Variants in RIC1 observed in about 807,000 individuals in gnomAD.
The protein encoded by RIC1 is RIC1 partner of RAB6A GEF complex, also known as guanine nucleotide exchange factor subunit RIC1.
Under a neutral mutation model 169.0 loss-of-function variants are expected in RIC1, and 88 were observed. The observed-to-expected ratio is 0.52, with a 90% confidence interval of 0.44 to 0.62. The LOEUF (loss-of-function observed/expected upper bound fraction) is 0.62, where lower values mean the gene tolerates loss of function less well. Ranked by LOEUF, RIC1 falls within the 20% of genes least tolerant of loss-of-function variation. The pLI is 0.00. For synonymous variants in RIC1, 790 were observed against 601.5 expected (o/e 1.31, Z -4.59); for missense variants, 1,877 against 1,725.5 (o/e 1.09, Z -1.56).
In RIC1 at chr9:5,769,087, G is replaced by C. The variant is rs772303720; in HGVS notation, c.3255G>C (p.Gln1085His). ...AGGACCTTGGCTGCTTTGCAGCCCA[G>C]CTGGGCTTTGAACTAATTAGTTGGC... ...RLKDLGCFAA[Q>H]LGFELISWLC... The change falls in exon 22 of 26, where the codon CAG (glutamine) becomes CAC (histidine). Residue 1085 changes from glutamine (Q) to histidine (H), a missense_variant. Physicochemically the swap from Gln to His is conservative, Grantham distance 24 (BLOSUM62 0). Coordinates refer to ENST00000414202, the MANE Select transcript of RIC1 (RefSeq NM_020829.4). 2 of 1,614,096 alleles carry C rather than the reference G, an allele frequency of 1.2e-6. No individual in the cohort carries two copies. The highest frequency in any genetic ancestry group is 1.7e-6 in the Non-Finnish European group (2 of 1,179,978).
chr9:5,730,458 A>AT (rs1824300250), intron 6 of RIC1, among the ~76,000 whole-genome samples: 1 of 152,210 alleles, frequency 6.6e-6, no homozygotes, highest in African/African-American at 2.4e-5. Flanking sequence ...CTAGACACAA[A>AT]GGAATACATG....
chr9:5,644,910 G>A (rs962792155), intron 1 of RIC1, among the ~76,000 whole-genome samples: 12 of 152,110 alleles, frequency 7.9e-5, no homozygotes, highest in African/African-American at 2.9e-4. Context: ...CTCCACACCC[G>A]TTCTAGAGGG....
At chr9:5,767,946 A>T (rs908836148) in intron 21 of RIC1, among the ~76,000 whole-genome samples, 1 of 152,230 alleles carries the variant, frequency 6.6e-6, no homozygotes, top group Non-Finnish European at 1.5e-5. Context: ...AAGCATTTAC[A>T]TACATAGGTC....
Position 5,746,006 on chromosome 9 carries a change from C to G in RIC1, c.1171C>G (p.Leu391Val), listed in dbSNP as rs1825355412. Residue 391 changes from leucine to valine, a missense_variant, in exon 11 of 26, where the codon CTC (leucine) becomes GTC (valine). By Grantham distance (32) the Leu-to-Val change is conservative. This residue lies in a region of RIC1 where 1,104 missense variants were observed against 992.0 expected (regional missense o/e 1.11). Coordinates refer to ENST00000414202, the MANE Select transcript of RIC1 (RefSeq NM_020829.4). Reference protein sequence around the residue: ...GSQNTEIESDLRSVVKQPSIL... With the variant: ...GSQNTEIESDVRSVVKQPSIL... ...TCAAAACACTGAAATTGAGTCTGAC[C>G]TCAGGAGTGTAGTTAAACAGCCCAG... is the stretch of plus-strand genomic sequence containing the variant. 1 of 1,613,472 alleles carries G rather than the reference C, an allele frequency of 6.2e-7. No individual in the cohort carries two copies. The highest frequency in any genetic ancestry group is 1.3e-5 in the African/African-American group (1 of 74,872).
rs138430516 is a variant in RIC1 at position 5,636,976 on chromosome 9, A to G, written c.144+7523A>G. ...TTAATGAATTTAAGGTATTTGTCAT[A>G]CGTGTGGCACAGCAATTTTTTTTTA... On this transcript the variant is annotated intron_variant, in intron 1 of 25. Coordinates refer to ENST00000414202, the MANE Select transcript of RIC1 (RefSeq NM_020829.4). Among the ~76,000 whole-genome samples the G allele has an allele frequency of 7.2e-4, 110 of 152,260 alleles. 1 individual carries two copies. Among genetic ancestry groups the G allele is most frequent in the African/African-American group, 1.8e-3 (73 of 41,542 alleles).
chr9:5,691,035 A>G (rs989854407), intron 3 of RIC1, among the ~76,000 whole-genome samples: 1 of 152,126 alleles, frequency 6.6e-6, no homozygotes, highest in East Asian at 1.9e-4. Flanking sequence ...TCGCAGAGGT[A>G]TAATAAAAGT....
rs35534631 is a variant in RIC1 at position 5,747,475 on chromosome 9, A to G, written c.1422A>G (p.Leu474=). ...TAGAGTCTCAGGGATTAAGCACTTT[A>G]CTTGGACATCGGCATTGGCATGTTG... is the stretch of plus-strand genomic sequence containing the variant. ...GGLESQGLST[L]LGHRHWHVVQ... The change falls in exon 12 of 26, where the codon TTA becomes TTG. Residue 474 remains leucine (L), a synonymous_variant. Transcript: ENST00000414202. 4 of 1,613,970 alleles carry G rather than the reference A, an allele frequency of 2.5e-6. No homozygotes were observed. Among genetic ancestry groups the G allele is most frequent in the Non-Finnish European group, 3.4e-6 (4 of 1,179,924 alleles).
chr9:5,687,455 C>G (rs1747473505), intron 2 of RIC1, among the ~76,000 whole-genome samples: 2 of 152,012 alleles, frequency 1.3e-5, no homozygotes, highest in Admixed American at 6.6e-5. Context: ...TGAGATTTTC[C>G]TTTTTTTCTA....
At chr9:5,681,366 T>G (rs1013421064) in intron 2 of RIC1, among the ~76,000 whole-genome samples, 1 of 152,218 alleles carries the variant, frequency 6.6e-6, no homozygotes, top group African/African-American at 2.4e-5. Context: ...TGTTGTGTCT[T>G]TGTTCTCGTT....
At chr9:5,725,734 G>A (rs1256294067) in intron 6 of RIC1, among the ~76,000 whole-genome samples, 1 of 151,970 alleles carries the variant, frequency 6.6e-6, no homozygotes, top group Non-Finnish European at 1.5e-5. Flanking sequence ...CTTTAAATAT[G>A]TCCCAGAGAT....
chr9:5,768,209 C>G (rs992392931), intron 21 of RIC1, among the ~76,000 whole-genome samples: 5 of 152,170 alleles, frequency 3.3e-5, no homozygotes, highest in African/African-American at 1.2e-4. Flanking sequence ...AGAGACTATA[C>G]TTAGGCAAGT....
chr9:5,755,266 G>A (rs1356581316), intron 15 of RIC1, among the ~76,000 whole-genome samples: 1 of 152,160 alleles, frequency 6.6e-6, no homozygotes, highest in Admixed American at 6.5e-5. Flanking sequence ...CTGATTTACA[G>A]TAACCCCTCC....
intron 1 of RIC1, among the ~76,000 whole-genome samples, chr9:5,652,805 A>C (rs1196092018): frequency 1.3e-5 from 2 of 152,108 alleles, no homozygotes; most frequent in African/African-American, 4.8e-5. Context: ...AAAGATTTCA[A>C]CTTTTCCTTA....
intron 1 of RIC1, among the ~76,000 whole-genome samples, chr9:5,635,150 G>GCA (rs1399544390): frequency 3.9e-5 from 6 of 152,074 alleles, no homozygotes; most frequent in Admixed American, 1.3e-4. Context: ...ACCATGCCTA[G>GCA]TTAATTTTTT....
At chr9:5,664,869 T>A (rs2130516857) in intron 2 of RIC1, among the ~76,000 whole-genome samples, 1 of 152,332 alleles carries the variant, frequency 6.6e-6, no homozygotes, top group South Asian at 2.1e-4. Flanking sequence ...GTCTTCAAGC[T>A]CTGAGATTCT....
intron 3 of RIC1, among the ~76,000 whole-genome samples, chr9:5,691,336 G>A (rs919271752): frequency 2.6e-5 from 4 of 151,920 alleles, no homozygotes; most frequent in Non-Finnish European, 4.4e-5. Flanking sequence ...TGGTAGAACT[G>A]TAGTGATTCT....
intron 2 of RIC1, among the ~76,000 whole-genome samples, chr9:5,680,426 T>G (rs960389551): frequency 6.6e-6 from 1 of 152,204 alleles, no homozygotes; most frequent in Non-Finnish European, 1.5e-5. Flanking sequence ...GTACCATCTC[T>G]TCCTTGTACC....
At chr9:5,753,089 G>A in intron 12 of RIC1, 111 bp from the exon 13 acceptor site, 1 of 873,198 alleles carries the variant, frequency 1.1e-6, no homozygotes, top group Non-Finnish European at 1.9e-6. Context: ...ACTAACTAGG[G>A]GGCACCTTAA....
intron 2 of RIC1, among the ~76,000 whole-genome samples, chr9:5,678,102 T>G (rs1227948619): frequency 8.6e-5 from 13 of 150,832 alleles, no homozygotes; most frequent in East Asian, 1.9e-4. Context: ...GCGGTGTTTG[T>G]TTTTTTGTCC....
Sources: allele counts gnomAD v4.1 joint callset (sites outside exome capture counted in the v4.1 genomes callset), GRCh38; gene constraint gnomAD v4.1.1; regional missense constraint gnomAD v4.1.1; transcripts MANE v1.5; gene names NCBI Gene and HGNC (gene_info 2026-07-23, HGNC 2026-07-21).